BLMH: variants seen among roughly 807,000 people sequenced by gnomAD.
BLMH encodes bleomycin hydrolase, also known as BLM hydrolase.
BLMH carries 32 observed loss-of-function variants against 61.6 expected under a neutral mutation model. That is an observed-to-expected ratio of 0.52 (90% confidence interval 0.39 to 0.70). The LOEUF is 0.70. Among genes scored for constraint, BLMH ranks in the 30% least tolerant of loss-of-function variants. The pLI is 0.00. For synonymous variants in BLMH, 183 were observed against 193.8 expected (o/e 0.94, Z 0.46); for missense variants, 460 against 555.5 (o/e 0.83, Z 1.73).
At chr17:30,272,057 G>A (rs1908288362) in intron 9 of BLMH, among the ~76,000 whole-genome samples, 1 of 152,084 alleles carries the variant, frequency 6.6e-6, no homozygotes, top group South Asian at 2.1e-4. Flanking sequence ...CCCTAAAATA[G>A]AGAATGGTGA....
intron 11 of BLMH, among the ~76,000 whole-genome samples, chr17:30,265,681 C>T (rs532886808): frequency 4.6e-5 from 7 of 152,088 alleles, no homozygotes; most frequent in Middle Eastern, 3.4e-3. Flanking sequence ...TACTAAGGTG[C>T]GGTTAATGTT....
intron 6 of BLMH, among the ~76,000 whole-genome samples, chr17:30,282,726 A>T (rs1908626281): frequency 6.6e-6 from 1 of 152,240 alleles, no homozygotes; most frequent in South Asian, 2.1e-4. Context: ...CTGTTGATTA[A>T]GCCATCATTT....
intron 6 of BLMH, among the ~76,000 whole-genome samples, chr17:30,275,852 A>C (rs549824951): frequency 4.1e-4 from 62 of 152,284 alleles, no homozygotes; most frequent in African/African-American, 1.4e-3. Flanking sequence ...CCCTGATCCA[A>C]TCATCTATTA....
chr17:30,281,568 A>T (rs930251079), intron 6 of BLMH, among the ~76,000 whole-genome samples: 2 of 152,104 alleles, frequency 1.3e-5, no homozygotes, highest in African/African-American at 4.8e-5. Context: ...CTGTAAGTTC[A>T]CCCTTCAAGA....
chr17:30,291,724 C>A (rs1908897669), intron 1 of BLMH, 83 bp downstream of exon 1: 2 of 1,415,868 alleles, frequency 1.4e-6, no homozygotes, highest in Non-Finnish European at 1.8e-6. Flanking sequence ...AGGGTCCCAG[C>A]CCCCGGCCTT....
At chr17:30,277,396 G>A (rs1908451885) in intron 6 of BLMH, among the ~76,000 whole-genome samples, 1 of 152,190 alleles carries the variant, frequency 6.6e-6, no homozygotes, top group Non-Finnish European at 1.5e-5. Context: ...AGAAGACATT[G>A]CCACTGGTAA....
intron 11 of BLMH, among the ~76,000 whole-genome samples, chr17:30,261,821 A>G (rs1907967214): frequency 6.6e-6 from 1 of 152,234 alleles, no homozygotes; most frequent in African/African-American, 2.4e-5. Context: ...AGAAATCTAC[A>G]TATAGTCTGA....
chr17:30,280,663 A>T (rs955067830), intron 6 of BLMH, among the ~76,000 whole-genome samples: 2 of 152,048 alleles, frequency 1.3e-5, no homozygotes, highest in East Asian at 1.9e-4. Context: ...TTTCTTGTAG[A>T]GATGGGGTCT....
chr17:30,272,917 A>C lies in BLMH; in HGVS notation c.802-18T>G, dbSNP rs984802725. On this transcript the variant is annotated intron_variant, in intron 7 of 11. Transcript: ENST00000261714. ...AAACAAATCTATCAAGATCAAGAAC[A>C]CATTAATTAGGGCACAAAACCAGGA... 2 of 1,610,926 alleles carry C rather than the reference A, an allele frequency of 1.2e-6. No homozygotes were observed. Among genetic ancestry groups the C allele is most frequent in the African/African-American group, 2.7e-5 (2 of 74,772 alleles).
intron 11 of BLMH, among the ~76,000 whole-genome samples, chr17:30,260,079 G>A (rs539236232): frequency 7.2e-5 from 11 of 152,138 alleles, no homozygotes; most frequent in East Asian, 3.9e-4. Context: ...CTTCTTATGC[G>A]CCTCACATGG....
At chr17:30,250,494 A>G (rs1907641738) in intron 11 of BLMH, among the ~76,000 whole-genome samples, 1 of 152,262 alleles carries the variant, frequency 6.6e-6, no homozygotes, top group Admixed American at 6.5e-5. Flanking sequence ...AATGCTCAAC[A>G]TCACTAATTA....
chr17:30,289,480 G>A lies in BLMH; in HGVS notation c.214C>T (p.Arg72Ter), dbSNP rs765998771. 8 of 1,604,874 alleles carry A rather than the reference G, an allele frequency of 5.0e-6. No individual in the cohort carries two copies. Among genetic ancestry groups the A allele is most frequent in the Admixed American group, 1.7e-5 (1 of 58,962 alleles). Residue 72 changes from arginine (R) to a stop codon, truncating the protein, a stop_gained and splice_region_variant, in exon 3 of 12, where the codon CGA (arginine) becomes TGA (stop). Coordinates refer to ENST00000261714, the MANE Select transcript of BLMH (RefSeq NM_000386.4). LOFTEE classifies it high-confidence loss of function. ...KPITNQKSSG[R>*]CWIFSCLNVM... Reference sequence around the variant, plus strand: ...TTCAGACAAGAAAAGATCCAGCATCGCCCTGAAACAAGAAAGCACATCAAG... The same window carrying A: ...TTCAGACAAGAAAAGATCCAGCATCACCCTGAAACAAGAAAGCACATCAAG...
chr17:30,273,897 A>T, intron 7 of BLMH, 145 bp downstream of exon 7: 1 of 1,001,384 alleles, frequency 1.0e-6, no homozygotes, highest in Non-Finnish European at 1.5e-6. Flanking sequence ...AGCTGCATAA[A>T]ATACTTCAGA....
At chr17:30,284,724 G>A (rs903766036) in intron 6 of BLMH, among the ~76,000 whole-genome samples, 3 of 152,098 alleles carry the variant, frequency 2.0e-5, no homozygotes, top group Non-Finnish European at 2.9e-5. Flanking sequence ...TATTTCTACA[G>A]AAAGAAGCCA....
chr17:30,272,899 T>C lies in BLMH; in HGVS notation c.802A>G (p.Ile268Val). 6.2e-7 allele frequency: 1 copy of C among 1,613,384 alleles called. No individual in the cohort carries two copies. The highest frequency in any genetic ancestry group is 1.1e-5 in the South Asian group (1 of 90,870). ...VKPLFNMEDKICLVNDPRPQH... is the reference protein window; with the variant it reads ...VKPLFNMEDKVCLVNDPRPQH... ...GGCCTAGGGTCATTCACTAAACAAA[T>C]CTATCAAGATCAAGAACACATTAAT... Residue 268 changes from isoleucine (I) to valine (V), a missense_variant and splice_region_variant, in exon 8 of 12, where the codon ATT (isoleucine) becomes GTT (valine). Coordinates refer to ENST00000261714, the MANE Select transcript of BLMH (RefSeq NM_000386.4).
chr17:30,284,525 C>T (rs1908677059), intron 6 of BLMH, among the ~76,000 whole-genome samples: 2 of 152,232 alleles, frequency 1.3e-5, no homozygotes, highest in South Asian at 2.1e-4. Flanking sequence ...CAAACGGAAA[C>T]ATTTATTCTT....
In BLMH at chr17:30,255,896, C is replaced by CA. The variant is rs1377074437; in HGVS notation, c.1217-6729dup. On this transcript the variant is annotated intron_variant, in intron 11 of 11. Coordinates refer to ENST00000261714, the MANE Select transcript of BLMH (RefSeq NM_000386.4). ...TGGGCGACAGAGTGAGACTCCGTCT[C>CA]AAAAAAAAGAGAGAGAGACAAGCTC... Among the ~76,000 whole-genome samples, 12 of 151,680 alleles carry CA rather than the reference C, an allele frequency of 7.9e-5. No individual in the cohort carries two copies. In the East Asian group the frequency reaches 2.3e-3, roughly 29 times the overall value.
At chr17:30,279,901 A>T (rs1353317235) in intron 6 of BLMH, among the ~76,000 whole-genome samples, 2 of 152,230 alleles carry the variant, frequency 1.3e-5, no homozygotes, top group Admixed American at 1.3e-4. Flanking sequence ...CAGGAGAGAA[A>T]GGTAAAAGAA....
At chr17:30,254,190 C>T (rs1300766994) in intron 11 of BLMH, among the ~76,000 whole-genome samples, 2 of 152,256 alleles carry the variant, frequency 1.3e-5, no homozygotes, top group South Asian at 4.2e-4. Flanking sequence ...TGAGGAATTT[C>T]ACCTCACTAA....
Sources: gnomAD v4.1 joint callset for allele counts (sites outside exome capture counted in the v4.1 genomes callset) on GRCh38, gnomAD v4.1.1 for gene constraint, MANE v1.5 for transcripts, NCBI Gene and HGNC (gene_info 2026-07-23, HGNC 2026-07-21) for gene names.